Variants in ANO4 observed in about 807,000 individuals in gnomAD.
ANO4 encodes anoctamin 4.
ANO4 carries 69 observed loss-of-function variants against 141.9 expected under a neutral mutation model. The observed-to-expected ratio is 0.49, with a 90% confidence interval of 0.40 to 0.59. ANO4 has a LOEUF of 0.59. Among genes scored for constraint, ANO4 ranks in the 20% least tolerant of loss-of-function variants. The pLI is 0.00. For synonymous variants in ANO4, 350 were observed against 394.3 expected (o/e 0.89, Z 1.33); for missense variants, 894 against 1,162.2 (o/e 0.77, Z 3.36).
chr12:100,801,359 C>T (rs1460765445), intron 1 of ANO4, among the ~76,000 whole-genome samples: 2 of 152,136 alleles, frequency 1.3e-5, no homozygotes, highest in African/African-American at 4.8e-5. Context: ...GGCAGACATC[C>T]TGATGTAGTT....
chr12:100,801,207 T>C lies in ANO4; in HGVS notation c.-141+6180T>C, dbSNP rs985096902. Among the ~76,000 whole-genome samples the C allele has an allele frequency of 2.6e-5, 4 of 152,116 alleles. 1 individual carries two copies. The highest frequency in any genetic ancestry group is 2.6e-4 in the Admixed American group (4 of 15,278). ...GGTTTAGTGACTGCTGTAGAGCAGA[T>C]AACCAATAATCCTTGAACAAACAGA... On this transcript the variant is annotated intron_variant, in intron 1 of 27. Coordinates refer to ENST00000392977, the MANE Select transcript of ANO4 (RefSeq NM_001286615.2).
chr12:101,110,334 A>ATT (rs778403146), intron 22 of ANO4, 70 bp from the exon 23 acceptor site: 95 of 1,467,898 alleles, frequency 6.5e-5, no homozygotes, highest in Non-Finnish European at 8.2e-5. Flanking sequence ...ACATATTCAG[A>ATT]TTATGATCCC....
In ANO4 at chr12:100,806,523, CGTTTTTTTTTTTTTTTTTTTTTT is replaced by C. The variant is rs2035044473; in HGVS notation, c.-141+11497_-141+11519del. Among the ~76,000 whole-genome samples the C allele has an allele frequency of 4.4e-5, 2 of 44,956 alleles. 1 individual carries two copies. The highest frequency in any genetic ancestry group is 1.5e-4 in the African/African-American group (2 of 13,644). 29.5% of individuals were successfully genotyped at this position (44,956 alleles called of 152,430 possible). ...TTTTTAGGAGGTTTTTTTTTTGTTTCGTTTTTTTTTTTTTTTTTTTTTTTTTTTTTTTTTTTTGTGAGACAGAG... is the reference window on the plus strand; with the variant it reads ...TTTTTAGGAGGTTTTTTTTTTGTTTCTTTTTTTTTTTTTTGTGAGACAGAG... On this transcript the variant is annotated intron_variant, in intron 1 of 27. Coordinates refer to ENST00000392977, the MANE Select transcript of ANO4 (RefSeq NM_001286615.2).
intron 14 of ANO4, among the ~76,000 whole-genome samples, chr12:101,074,006 A>C (rs570217765): frequency 6.6e-6 from 1 of 152,226 alleles, no homozygotes; most frequent in South Asian, 2.1e-4. Flanking sequence ...ATCGAGTGTC[A>C]GATGTTGTGG....
chr12:100,756,358 T>A (rs1269167225), intron 3 of ANO4, among the ~76,000 whole-genome samples: 1 of 152,148 alleles, frequency 6.6e-6, no homozygotes, highest in Non-Finnish European at 1.5e-5. Flanking sequence ...CATTATTTAT[T>A]TTTATTTTTG....
intron 14 of ANO4, among the ~76,000 whole-genome samples, chr12:101,049,360 T>C (rs1168647521): frequency 6.6e-6 from 1 of 152,204 alleles, no homozygotes; most frequent in African/African-American, 2.4e-5. Context: ...CCAAAAGATG[T>C]CTTTCTCCTT....
At chr12:100,885,426 C>G (rs1224119620) in intron 1 of ANO4, 2 of 152,288 alleles carry the variant, frequency 1.3e-5, no homozygotes, top group African/African-American at 4.8e-5. Flanking sequence ...TCTCAGTTCT[C>G]AATTTCTCTG....
At chr12:100,782,446 G>T (rs576100304) in intron 3 of ANO4, among the ~76,000 whole-genome samples, 1 of 152,118 alleles carries the variant, frequency 6.6e-6, no homozygotes, top group African/African-American at 2.4e-5. Flanking sequence ...CATTATTTTG[G>T]GTCTACTTAT....
chr12:100,987,680 C>A lies in ANO4; in HGVS notation c.734+10C>A. On this transcript the variant is annotated intron_variant, in intron 8 of 27. Coordinates refer to ENST00000392977, the MANE Select transcript of ANO4 (RefSeq NM_001286615.2). ...AGCAAAGGATCCATCAGTGAGTGTT[C>A]CATGTTAAAGCCCCATCTCACTAAG... 6.2e-7 allele frequency: 1 copy of A among 1,613,290 alleles called. No homozygotes were observed. Among genetic ancestry groups the A allele is most frequent in the Non-Finnish European group, 8.5e-7 (1 of 1,179,688 alleles).
At chr12:100,769,701 T>TTTTC (rs2033218831) in intron 3 of ANO4, among the ~76,000 whole-genome samples, 1 of 152,212 alleles carries the variant, frequency 6.6e-6, no homozygotes, top group Non-Finnish European at 1.5e-5. Flanking sequence ...GAATGATGTA[T>TTTTC]TTTCACTCAT....
At chr12:100,794,045 C>T (rs1418383404), upstream of ANO4, among the ~76,000 whole-genome samples, 1 of 152,178 alleles carries the variant, frequency 6.6e-6, no homozygotes, top group Non-Finnish European at 1.5e-5. Context: ...TGTTAACTAT[C>T]TTCAGAAGCT....
rs1462788559 is a variant in ANO4 at position 101,105,808 on chromosome 12, A to ATTTATATGTTT, written c.2150-4596_2150-4595insTTTATATGTTT. On this transcript the variant is annotated intron_variant, in intron 22 of 27. Coordinates refer to ENST00000392977, the MANE Select transcript of ANO4 (RefSeq NM_001286615.2). ...TGCAAAATATAAATCTGGAATTAAG[A>ATTTATATGTTT]ACTCATTTGATATGTTTAATAGCAG... Among the ~76,000 whole-genome samples the ATTTATATGTTT allele has an allele frequency of 1.0e-3, 155 of 152,352 alleles. 2 individuals are homozygous for ATTTATATGTTT. The East Asian group carries it at 0.022, about 21-fold the overall frequency.
chr12:101,007,389 G>A (rs2045916674), intron 8 of ANO4, among the ~76,000 whole-genome samples: 1 of 152,020 alleles, frequency 6.6e-6, no homozygotes, highest in East Asian at 1.9e-4. Context: ...ACAAATAGAT[G>A]ATAATAAAAA....
chr12:101,066,997 C>CAAAAAAAAAAAAA (rs34416390), intron 14 of ANO4: 20 of 181,464 alleles, frequency 1.1e-4, no homozygotes, highest in South Asian at 2.3e-4. Flanking sequence ...TAAAGTATAA[C>CAAAAAAAAAAAAA]AAAAAAAAAA....
intron 1 of ANO4, among the ~76,000 whole-genome samples, chr12:100,838,888 G>A (rs2037087956): frequency 6.6e-6 from 1 of 152,106 alleles, no homozygotes; most frequent in South Asian, 2.1e-4. Flanking sequence ...AAAGCCTGAA[G>A]GAAGATGTGG....
In ANO4 at chr12:101,079,330, G is replaced by C. The variant is rs2049148442; in HGVS notation, c.1395+55G>C. On this transcript the variant is annotated intron_variant, in intron 15 of 27. Coordinates refer to ENST00000392977, the MANE Select transcript of ANO4 (RefSeq NM_001286615.2). ...AAAAGCAAATCACCCAGAACCACAC[G>C]ACCCCCCCCCAAAATTGTCACTCTC... 6.3e-6 allele frequency: 9 copies of C among 1,425,936 alleles called. No individual in the cohort carries two copies. In the East Asian group the frequency reaches 2.2e-4, roughly 35 times the overall value. The allele number at this position is 1,425,936 out of a possible 1,614,324, so 88.3% of individuals were successfully genotyped here.
intron 15 of ANO4, among the ~76,000 whole-genome samples, chr12:101,080,900 T>TATATATATATATAC (rs1194122665): frequency 0.033 from 4,307 of 129,654 alleles, 113 homozygotes; most frequent in Admixed American, 0.046. Flanking sequence ...TATATATATA[T>TATATATATATATAC]ACATACACAT....
At chr12:100,924,889 G>C (rs994686335) in intron 3 of ANO4, among the ~76,000 whole-genome samples, 4 of 152,046 alleles carry the variant, frequency 2.6e-5, no homozygotes, top group Non-Finnish European at 4.4e-5. Flanking sequence ...TTTATTACCA[G>C]ATCTTAGTAA....
At chr12:100,752,996 C>T (rs954362092) in intron 3 of ANO4, among the ~76,000 whole-genome samples, 1 of 152,106 alleles carries the variant, frequency 6.6e-6, no homozygotes, top group African/African-American at 2.4e-5. Context: ...TCTAGGTTGT[C>T]CTCAATGGGA....
Sources: gnomAD v4.1 joint callset for allele counts (sites outside exome capture counted in the v4.1 genomes callset) on GRCh38, gnomAD v4.1.1 for gene constraint, MANE v1.5 for transcripts, NCBI Gene and HGNC (gene_info 2026-07-23, HGNC 2026-07-21) for gene names.